Variants in COL4A4 observed in about 807,000 individuals in gnomAD.
COL4A4 encodes collagen type IV alpha 4 chain.
COL4A4 carries 105 observed loss-of-function variants against 192.9 expected under a neutral mutation model. That is an observed-to-expected ratio of 0.54 (90% confidence interval 0.46 to 0.64). The LOEUF (loss-of-function observed/expected upper bound fraction) is 0.64. Ranked by LOEUF, COL4A4 falls within the 30% of genes least tolerant of loss-of-function variation. The pLI is 0.00. For synonymous variants in COL4A4, 762 were observed against 769.9 expected, an observed-to-expected ratio of 0.99 and a Z score of 0.17; for missense variants, 1,967 against 2,169.3, an observed-to-expected ratio of 0.91 and a Z score of 1.85.
chr2:227,136,610 C>T (rs1443686154), intron 4 of COL4A4, among the ~76,000 whole-genome samples: 1 of 152,114 alleles, frequency 6.6e-6, no homozygotes, highest in Non-Finnish European at 1.5e-5. Flanking sequence ...TTAGATTGTT[C>T]CATCTCCACC....
chr2:227,154,675 G>A (rs1276792703), intron 1 of COL4A4, among the ~76,000 whole-genome samples: 1 of 152,152 alleles, frequency 6.6e-6, no homozygotes, highest in African/African-American at 2.4e-5. Context: ...TTGAACACCT[G>A]TTTCTATATA....
intron 25 of COL4A4, among the ~76,000 whole-genome samples, chr2:227,074,860 A>C (rs2058934055): frequency 6.6e-6 from 1 of 152,144 alleles, no homozygotes; most frequent in South Asian, 2.1e-4. Context: ...ATGAGTATGC[A>C]AAGGCATAAG....
chr2:227,056,744 G>A (rs1975461189), intron 29 of COL4A4, among the ~76,000 whole-genome samples: 1 of 152,182 alleles, frequency 6.6e-6, no homozygotes, highest in African/African-American at 2.4e-5. Flanking sequence ...ACTTGGGGAG[G>A]TGATTAAGTC....
At chr2:226,970,169 T>C in the COL4A4 span, among the ~76,000 whole-genome samples, 3 of 151,934 alleles carry the variant, frequency 2.0e-5, no homozygotes, top group African/African-American at 7.3e-5. Flanking sequence ...TGCACTGTGC[T>C]ATGTGATCCT....
intron 20 of COL4A4, 111 bp downstream of exon 20, chr2:227,094,014 A>T: frequency 9.5e-7 from 1 of 1,049,712 alleles, no homozygotes; most frequent in Non-Finnish European, 1.4e-6. Flanking sequence ...AACTTAGCTC[A>T]TGAAACATCA....
intron 37 of COL4A4, among the ~76,000 whole-genome samples, chr2:227,038,109 G>A (rs982010061): frequency 6.6e-6 from 1 of 152,186 alleles, no homozygotes; most frequent in Admixed American, 6.5e-5. Context: ...TGTTGCCACT[G>A]CTTTAGGTGT....
At chr2:226,977,611 C>T in the COL4A4 span, among the ~76,000 whole-genome samples, 2 of 152,144 alleles carry the variant, frequency 1.3e-5, no homozygotes, top group South Asian at 2.1e-4. Flanking sequence ...CAGGATCAAA[C>T]GCTGCACAGG....
chr2:227,008,240 C>T lies in COL4A4; in HGVS notation c.4587G>A (p.Gln1529=), dbSNP rs1417736311. Residue 1529 remains glutamine, a synonymous_variant, in exon 47 of 48, where the codon CAG becomes CAA. Coordinates refer to ENST00000396625, the MANE Select transcript of COL4A4 (RefSeq NM_000092.5). ...CGTTTCTCTGGGCATAGTGGCACAC[C>T]TGGTGGATGTTGCAGTAGGCAAAGG... ...TLPFAYCNIH[Q]VCHYAQRNDR... The T allele has an allele frequency of 6.2e-7, 1 of 1,614,122 alleles. No homozygotes were observed. The highest frequency in any genetic ancestry group is 8.5e-7 in the Non-Finnish European group (1 of 1,180,044).
chr2:226,991,573 A>G, the COL4A4 span, among the ~76,000 whole-genome samples: 1 of 152,248 alleles, frequency 6.6e-6, no homozygotes, highest in African/African-American at 2.4e-5. Flanking sequence ...ATGAACAATC[A>G]TACCATCCAA....
chr2:227,084,001 C>A (rs1173307160), intron 22 of COL4A4, among the ~76,000 whole-genome samples: 1 of 152,172 alleles, frequency 6.6e-6, no homozygotes, highest in Non-Finnish European at 1.5e-5. Context: ...TATGTCCACA[C>A]ATAACTCAAT....
the COL4A4 span, among the ~76,000 whole-genome samples, chr2:226,972,177 T>C: frequency 2.0e-5 from 3 of 152,112 alleles, no homozygotes; most frequent in Admixed American, 2.0e-4. Flanking sequence ...GAACATGCGG[T>C]GTTTGGTTTT....
rs575423726 is a variant in COL4A4, at chr2:227,156,733, G to A, written c.-102+7274C>T. 5.9e-5 allele frequency among the ~76,000 whole-genome samples: 9 copies of A among 152,168 alleles called. No homozygotes were observed. In the South Asian group the frequency reaches 1.9e-3, roughly 32 times the overall value. On this transcript the variant is annotated intron_variant, in intron 1 of 47. Transcript: ENST00000396625. ...GGATATATTAACAGCACATAAAAAA[G>A]ACTTCAGGATAGGCAGTGACCCTTG...
chr2:227,055,699 T>C (rs1205561113), intron 30 of COL4A4, among the ~76,000 whole-genome samples: 2 of 152,030 alleles, frequency 1.3e-5, no homozygotes, highest in Non-Finnish European at 2.9e-5. Flanking sequence ...TTTACCGTGC[T>C]ACCCAGTCTT....
intron 44 of COL4A4, among the ~76,000 whole-genome samples, chr2:227,013,286 G>GTC (rs748348575): frequency 4.6e-5 from 7 of 151,334 alleles, no homozygotes; most frequent in East Asian, 1.9e-4. Flanking sequence ...TTCTCTCTCT[G>GTC]TCTCTCTCTC....
In COL4A4 at chr2:227,007,306, T is replaced by C. The variant is rs1380875877; in HGVS notation, c.*19A>G. On this transcript the variant is annotated 3_prime_UTR_variant, in exon 48 of 48. Transcript: ENST00000396625. ...CTAGGAAGTTTCTCTTGGCCACGTGTTGGTGAATTTCGCATTCTCTAGCTA... is the reference window on the plus strand; with the variant it reads ...CTAGGAAGTTTCTCTTGGCCACGTGCTGGTGAATTTCGCATTCTCTAGCTA... 6.2e-7 allele frequency: 1 copy of C among 1,614,196 alleles called. No homozygotes were observed.
At chr2:227,081,900 T>C (rs191653319) in intron 23 of COL4A4, among the ~76,000 whole-genome samples, 1 of 152,300 alleles carries the variant, frequency 6.6e-6, no homozygotes, top group African/African-American at 2.4e-5. Context: ...TGTGAATGTG[T>C]GGCTAAAGGA....
rs1275832655 is a variant in COL4A4, at chr2:227,108,821, A to G, written c.693+12T>C. The G allele has an allele frequency of 3.1e-6, 5 of 1,611,214 alleles. No individual in the cohort carries two copies. The highest frequency in any genetic ancestry group is 4.2e-6 in the Non-Finnish European group (5 of 1,178,328). ...AGGGCTCTATTGATGTATCTTGCTC[A>G]TGACTGCCTACCTTCAAACCTGGAC... is the stretch of plus-strand genomic sequence containing the variant. On this transcript the variant is annotated intron_variant, in intron 11 of 47. Coordinates refer to ENST00000396625, the MANE Select transcript of COL4A4 (RefSeq NM_000092.5).
chr2:227,033,623 G>T (rs1968899541), intron 37 of COL4A4, 142 bp from the exon 38 acceptor site: 1 of 717,748 alleles, frequency 1.4e-6, no homozygotes, highest in South Asian at 1.5e-5. Context: ...CATCATCAGG[G>T]TGGAAACCCA....
chr2:227,078,186 C>A, intron 24 of COL4A4, 109 bp from the exon 25 acceptor site: 1 of 1,029,924 alleles, frequency 9.7e-7, no homozygotes, highest in South Asian at 1.4e-5. Context: ...TTTCAGGAGA[C>A]AGTTACTCTT....
Sources: allele counts gnomAD v4.1 joint callset (sites outside exome capture counted in the v4.1 genomes callset), GRCh38; gene constraint gnomAD v4.1.1; transcripts MANE v1.5; gene names NCBI Gene and HGNC (gene_info 2026-07-23, HGNC 2026-07-21).